Variants in AKAP19 observed in about 807,000 individuals in gnomAD.
AKAP19 encodes A-kinase anchoring protein 19, also known as small A-kinase anchoring protein.
chr2:189,935,757 T>C, the AKAP19 span, among the ~76,000 whole-genome samples: 1 of 152,132 alleles, frequency 6.6e-6, no homozygotes, highest in African/African-American at 2.4e-5. Flanking sequence ...TCAGCAAATA[T>C]TAATAGGAAT....
the AKAP19 span, among the ~76,000 whole-genome samples, chr2:190,171,629 G>A: frequency 6.6e-6 from 1 of 151,850 alleles, no homozygotes. Context: ...TATAATTGGT[G>A]GATATTTATT....
the AKAP19 span, among the ~76,000 whole-genome samples, chr2:190,037,746 T>C: frequency 6.6e-6 from 1 of 152,228 alleles, no homozygotes; most frequent in Non-Finnish European, 1.5e-5. Context: ...TGTGATCCCA[T>C]GTCTACCGGG....
the AKAP19 span, chr2:190,199,850 C>T: frequency 6.2e-7 from 1 of 1,610,948 alleles, no homozygotes; most frequent in Non-Finnish European, 8.5e-7. Flanking sequence ...CCACAAACAG[C>T]TCTTCATAAC....
At chr2:190,055,184 T>C in the AKAP19 span, among the ~76,000 whole-genome samples, 1 of 152,030 alleles carries the variant, frequency 6.6e-6, no homozygotes, top group Admixed American at 6.6e-5. Context: ...TGTAGGGACA[T>C]GGATGAAGCT....
the AKAP19 span, among the ~76,000 whole-genome samples, chr2:190,038,629 A>AT: frequency 2.0e-5 from 3 of 152,080 alleles, no homozygotes; most frequent in Non-Finnish European, 2.9e-5. Flanking sequence ...ACCTTATAAC[A>AT]TTTTTCACTT....
chr2:190,201,669 A>G, the AKAP19 span: 1 of 167,068 alleles, frequency 6.0e-6, no homozygotes, highest in South Asian at 2.1e-4. Flanking sequence ...GAAATATGCC[A>G]TGTTTTCGTT....
the AKAP19 span, among the ~76,000 whole-genome samples, chr2:189,969,333 A>G: frequency 6.6e-6 from 1 of 152,172 alleles, no homozygotes; most frequent in Non-Finnish European, 1.5e-5. Context: ...CCAGACGCTG[A>G]ATCTGCTGGC....
the AKAP19 span, among the ~76,000 whole-genome samples, chr2:190,074,794 A>G: frequency 6.6e-6 from 1 of 152,226 alleles, no homozygotes; most frequent in South Asian, 2.1e-4. Flanking sequence ...AAAACTAGCC[A>G]TGTGGATCCC....
the AKAP19 span, chr2:190,062,290 C>A: frequency 6.2e-7 from 1 of 1,613,138 alleles, no homozygotes; most frequent in Non-Finnish European, 8.5e-7. Context: ...AAAGAGCCAT[C>A]GCTGCTGTCA....
At chr2:190,071,857 A>T in the AKAP19 span, among the ~76,000 whole-genome samples, 1 of 152,178 alleles carries the variant, frequency 6.6e-6, no homozygotes, top group Non-Finnish European at 1.5e-5. Flanking sequence ...AATGCTAACA[A>T]AAAAGAACTG....
the AKAP19 span, among the ~76,000 whole-genome samples, chr2:189,922,796 A>C: frequency 6.6e-6 from 1 of 152,158 alleles, no homozygotes; most frequent in Non-Finnish European, 1.5e-5. Context: ...AGTACTGTCT[A>C]TATAGTGTTC....
At chr2:190,095,254 A>G in the AKAP19 span, among the ~76,000 whole-genome samples, 4 of 152,226 alleles carry the variant, frequency 2.6e-5, no homozygotes, top group Non-Finnish European at 5.9e-5. Context: ...ACAATGATCC[A>G]TGAAAAGCAC....
chr2:189,910,008 TGG>T, the AKAP19 span, among the ~76,000 whole-genome samples: 33 of 152,168 alleles, frequency 2.2e-4, no homozygotes, highest in East Asian at 6.2e-3. Flanking sequence ...AATTTGTGCT[TGG>T]ATAGGCTTCC....
At chr2:189,975,081 G>T in the AKAP19 span, among the ~76,000 whole-genome samples, 4 of 152,248 alleles carry the variant, frequency 2.6e-5, no homozygotes, top group South Asian at 2.1e-4. Context: ...AGCACTGATG[G>T]TCTTTACAAT....
chr2:190,010,589 C>T, the AKAP19 span, among the ~76,000 whole-genome samples: 30 of 152,086 alleles, frequency 2.0e-4, no homozygotes, highest in Non-Finnish European at 3.7e-4. Context: ...ATTCATCTAA[C>T]AAATATTTGA....
the AKAP19 span, among the ~76,000 whole-genome samples, chr2:189,954,124 G>C: frequency 2.6e-5 from 4 of 152,292 alleles, no homozygotes; most frequent in Middle Eastern, 3.4e-3. Context: ...ATACAATCCA[G>C]ATCAGGTATT....
At chr2:190,031,738 A>G in the AKAP19 span, among the ~76,000 whole-genome samples, 2 of 152,202 alleles carry the variant, frequency 1.3e-5, no homozygotes, top group Non-Finnish European at 2.9e-5. Context: ...AGCATTGCTG[A>G]GCCTTACCAT....
chr2:189,948,826 T>A, the AKAP19 span, among the ~76,000 whole-genome samples: 1 of 152,284 alleles, frequency 6.6e-6, no homozygotes, highest in African/African-American at 2.4e-5. Context: ...AAATCATTTT[T>A]TTTTCTTATT....
At chr2:190,199,559 T>A in the AKAP19 span, 6 of 311,396 alleles carry the variant, frequency 1.9e-5, no homozygotes, top group Non-Finnish European at 3.3e-5. Flanking sequence ...TTTCTTCTAC[T>A]GATAAGATAA....
Sources: gnomAD v4.1 joint callset for allele counts (sites outside exome capture counted in the v4.1 genomes callset) on GRCh38, gnomAD v4.1.1 for gene constraint, MANE v1.5 for transcripts, NCBI Gene and HGNC (gene_info 2026-07-23, HGNC 2026-07-21) for gene names.